The following FBXW8 variants were observed in gnomAD, a reference collection of about 807,000 sequenced individuals.
The protein encoded by FBXW8 is F-box/WD repeat-containing protein 8.
Under a neutral mutation model 65.3 loss-of-function variants are expected in FBXW8, and 57 were observed. The ratio of observed to expected loss-of-function variants is 0.87; its 90% confidence interval spans 0.71 to 1.09. FBXW8 has a LOEUF of 1.09. Among genes scored for constraint, FBXW8 ranks in the 50% least tolerant of loss-of-function variants. The pLI is 0.00. For missense variants in FBXW8, 777 were observed against 814.8 expected, an observed-to-expected ratio of 0.95 and a Z score of 0.57; for synonymous variants, 308 against 330.2, an observed-to-expected ratio of 0.93 and a Z score of 0.73.
At chr12:116,966,844 G>A (rs1025548789) in intron 5 of FBXW8, among the ~76,000 whole-genome samples, 1 of 151,938 alleles carries the variant, frequency 6.6e-6, no homozygotes, top group African/African-American at 2.4e-5. Context: ...TCAGCCTCCC[G>A]AGTAGCTGGG....
At chr12:116,963,976 G>C (rs1177344243) in intron 4 of FBXW8, among the ~76,000 whole-genome samples, 1 of 152,204 alleles carries the variant, frequency 6.6e-6, no homozygotes, top group Non-Finnish European at 1.5e-5. Flanking sequence ...TGGCCATTCT[G>C]TCATCCTGGG....
chr12:116,982,680 A>G (rs1885398723), intron 5 of FBXW8, among the ~76,000 whole-genome samples: 1 of 151,136 alleles, frequency 6.6e-6, no homozygotes, highest in Admixed American at 6.6e-5. Context: ...GTGCTACTCA[A>G]CCTTGTGGTG....
intron 5 of FBXW8, chr12:116,979,468 G>A (rs1885159421): frequency 6.6e-6 from 1 of 152,374 alleles, no homozygotes; most frequent in Non-Finnish European, 1.5e-5. Context: ...GGAGGGTCCT[G>A]AGCCCAGGGA....
chr12:117,027,365 C>A (rs1443289169), intron 9 of FBXW8, 29 bp from the exon 10 acceptor site: 2 of 1,591,692 alleles, frequency 1.3e-6, no homozygotes, highest in East Asian at 2.2e-5. Flanking sequence ...TGGACGCCCC[C>A]TTACGAGCTC....
At chr12:116,950,056 G>A (rs1006384929) in intron 4 of FBXW8, 19 of 242,530 alleles carry the variant, frequency 7.8e-5, no homozygotes, top group African/African-American at 3.5e-4. Context: ...ATAAGTGTTG[G>A]CACAGACAGG....
At chr12:116,982,229 A>C (rs1885352871) in intron 5 of FBXW8, among the ~76,000 whole-genome samples, 1 of 152,250 alleles carries the variant, frequency 6.6e-6, no homozygotes, top group Non-Finnish European at 1.5e-5. Context: ...ACCCCAATTA[A>C]AAGCAAGACC....
At chr12:116,974,103 G>T (rs748257482) in intron 5 of FBXW8, among the ~76,000 whole-genome samples, 2 of 152,210 alleles carry the variant, frequency 1.3e-5, no homozygotes, top group South Asian at 4.1e-4. Context: ...ACAGAGTCTG[G>T]TGGCCTCCCT....
intron 1 of FBXW8, among the ~76,000 whole-genome samples, chr12:116,921,291 A>G (rs1421305359): frequency 6.6e-6 from 1 of 152,250 alleles, no homozygotes; most frequent in Non-Finnish European, 1.5e-5. Context: ...CATGTGATCA[A>G]CAAACATTTA....
At chr12:116,929,635 A>G (rs1159929394) in intron 2 of FBXW8, among the ~76,000 whole-genome samples, 1 of 152,192 alleles carries the variant, frequency 6.6e-6, no homozygotes, top group Non-Finnish European at 1.5e-5. Context: ...ATATCTATGC[A>G]TTGTGGAATG....
chr12:116,970,727 T>C (rs1006850559), intron 5 of FBXW8, among the ~76,000 whole-genome samples: 7 of 152,182 alleles, frequency 4.6e-5, no homozygotes, highest in Admixed American at 2.6e-4. Context: ...GCCCCCAACA[T>C]TGAAGTTTTA....
intron 4 of FBXW8, among the ~76,000 whole-genome samples, chr12:116,958,085 A>T (rs1393706611): frequency 6.6e-6 from 1 of 152,228 alleles, no homozygotes; most frequent in Admixed American, 6.5e-5. Context: ...TATGGAAAAC[A>T]GTTTTAAGTG....
Position 117,004,676 on chromosome 12 carries a change from T to C in FBXW8, c.1240-5647T>C, listed in dbSNP as rs773353469. ...TGGGTAAGCTCTCTGCACCAATAGA[T>C]ACTTTCCCCATCTTGCTTGCTTTTT... On this transcript the variant is annotated intron_variant, in intron 7 of 10. Coordinates refer to ENST00000652555, the MANE Select transcript of FBXW8 (RefSeq NM_153348.3). 8.1e-4 allele frequency among the ~76,000 whole-genome samples: 123 copies of C among 152,206 alleles called. 4 individuals carry two copies. The highest frequency in any genetic ancestry group is 4.4e-4 in the Non-Finnish European group (30 of 68,038).
intron 2 of FBXW8, among the ~76,000 whole-genome samples, chr12:116,928,442 A>G (rs1222036589): frequency 6.6e-6 from 1 of 152,136 alleles, no homozygotes; most frequent in African/African-American, 2.4e-5. Context: ...CTGTTAATGC[A>G]CTCACAGTTT....
At chr12:116,967,256 AC>A (rs1244809868) in intron 5 of FBXW8, among the ~76,000 whole-genome samples, 7 of 151,514 alleles carry the variant, frequency 4.6e-5, no homozygotes, top group Admixed American at 4.6e-4. Flanking sequence ...CCTGTGTAGT[AC>A]TGCATTATGT....
intron 8 of FBXW8, among the ~76,000 whole-genome samples, chr12:117,018,384 G>T (rs1954009461): frequency 6.6e-6 from 1 of 152,246 alleles, no homozygotes; most frequent in Non-Finnish European, 1.5e-5. Context: ...GGAATCGGTT[G>T]TCTTGGCATA....
At chr12:116,941,556 G>A (rs1882567602) in intron 2 of FBXW8, among the ~76,000 whole-genome samples, 1 of 152,172 alleles carries the variant, frequency 6.6e-6, no homozygotes, top group Non-Finnish European at 1.5e-5. Context: ...TCAGTGTTAG[G>A]TTGGTCAGTA....
intron 4 of FBXW8, among the ~76,000 whole-genome samples, chr12:116,960,407 A>G (rs1274884975): frequency 6.6e-6 from 1 of 152,252 alleles, no homozygotes; most frequent in Admixed American, 6.5e-5. Flanking sequence ...CAGGAGACGT[A>G]GAGGCTTTTA....
intron 8 of FBXW8, among the ~76,000 whole-genome samples, chr12:117,021,989 T>C (rs548706702): frequency 3.3e-5 from 5 of 152,362 alleles, no homozygotes; most frequent in African/African-American, 1.2e-4. Flanking sequence ...TATGTAGTTT[T>C]CTTTGATCAT....
chr12:116,973,774 A>G (rs757066570), intron 5 of FBXW8, among the ~76,000 whole-genome samples: 4 of 152,226 alleles, frequency 2.6e-5, no homozygotes, highest in African/African-American at 7.2e-5. Context: ...GTTTTTCTAC[A>G]AAGAACATTA....
Sources: gnomAD v4.1 joint callset for allele counts (sites outside exome capture counted in the v4.1 genomes callset) on GRCh38, gnomAD v4.1.1 for gene constraint, MANE v1.5 for transcripts, NCBI Gene and HGNC (gene_info 2026-07-23, HGNC 2026-07-21) for gene names.